The following AFG2A variants were observed in gnomAD, a reference collection of about 807,000 sequenced individuals.
AFG2A encodes the protein ATPase family gene 2 protein homolog A.
chr4:123,228,203 C>T, the AFG2A span, among the ~76,000 whole-genome samples: 1 of 152,072 alleles, frequency 6.6e-6, no homozygotes, highest in Non-Finnish European at 1.5e-5. Flanking sequence ...TTAATTGGAG[C>T]ATTTAGCCCA....
the AFG2A span, among the ~76,000 whole-genome samples, chr4:123,187,537 A>C: frequency 6.6e-6 from 1 of 152,166 alleles, no homozygotes; most frequent in Non-Finnish European, 1.5e-5. Context: ...GTTATTAAGA[A>C]TATTGGTATT....
chr4:123,048,918 A>G, the AFG2A span, among the ~76,000 whole-genome samples: 1 of 152,064 alleles, frequency 6.6e-6, no homozygotes, highest in Admixed American at 6.6e-5. Context: ...AAGTGGTGAA[A>G]GTGGACATCT....
At chr4:123,267,048 T>C in the AFG2A span, among the ~76,000 whole-genome samples, 8 of 152,028 alleles carry the variant, frequency 5.3e-5, no homozygotes, top group South Asian at 2.1e-4. Context: ...AAAGACACAA[T>C]TGACATGTTC....
chr4:123,304,398 C>T, the AFG2A span, among the ~76,000 whole-genome samples: 1 of 152,182 alleles, frequency 6.6e-6, no homozygotes, highest in Non-Finnish European at 1.5e-5. Flanking sequence ...GGACATCACT[C>T]TCTACTGGGT....
At chr4:122,946,102 AT>A in the AFG2A span, among the ~76,000 whole-genome samples, 1 of 152,242 alleles carries the variant, frequency 6.6e-6, no homozygotes, top group Non-Finnish European at 1.5e-5. Flanking sequence ...TTACAAGAGA[AT>A]CATGTATAAA....
chr4:122,968,812 T>C, the AFG2A span, among the ~76,000 whole-genome samples: 1 of 152,182 alleles, frequency 6.6e-6, no homozygotes, highest in Non-Finnish European at 1.5e-5. Context: ...TTTCTTCTCG[T>C]GGGTGCTGAC....
the AFG2A span, among the ~76,000 whole-genome samples, chr4:123,157,724 A>G: frequency 6.6e-6 from 1 of 152,220 alleles, no homozygotes; most frequent in African/African-American, 2.4e-5. Context: ...ATTCACTCCA[A>G]CTTTCAATAT....
At chr4:123,297,235 A>G in the AFG2A span, among the ~76,000 whole-genome samples, 1 of 152,226 alleles carries the variant, frequency 6.6e-6, no homozygotes, top group African/African-American at 2.4e-5. Flanking sequence ...ACCATAATCC[A>G]TACTGGAATC....
the AFG2A span, among the ~76,000 whole-genome samples, chr4:123,005,648 C>T: frequency 6.6e-6 from 1 of 152,324 alleles, no homozygotes; most frequent in African/African-American, 2.4e-5. Flanking sequence ...TCATTAAGCA[C>T]TGCTTTAGCG....
At chr4:123,101,267 C>A in the AFG2A span, among the ~76,000 whole-genome samples, 1 of 151,772 alleles carries the variant, frequency 6.6e-6, no homozygotes, top group African/African-American at 2.4e-5. Flanking sequence ...TAAAGAGAAA[C>A]TAGATGGTTG....
At chr4:123,001,174 G>A in the AFG2A span, among the ~76,000 whole-genome samples, 281 of 147,268 alleles carry the variant, frequency 1.9e-3, 1 homozygote, top group Non-Finnish European at 3.2e-3. Flanking sequence ...TTTTTATTGC[G>A]TTTATTTGAT....
At chr4:123,203,823 G>C in the AFG2A span, among the ~76,000 whole-genome samples, 2 of 152,144 alleles carry the variant, frequency 1.3e-5, no homozygotes, top group African/African-American at 4.8e-5. Context: ...ATTACCACAG[G>C]CTGGAAGCTT....
At chr4:123,217,832 G>A in the AFG2A span, among the ~76,000 whole-genome samples, 1 of 152,096 alleles carries the variant, frequency 6.6e-6, no homozygotes, top group Non-Finnish European at 1.5e-5. Context: ...TTTCCATTTA[G>A]TAGACACTAG....
At chr4:123,214,740 T>C in the AFG2A span, among the ~76,000 whole-genome samples, 5 of 152,064 alleles carry the variant, frequency 3.3e-5, no homozygotes, top group Non-Finnish European at 7.4e-5. Flanking sequence ...ACGATAAGGA[T>C]GAAGACATGA....
At chr4:122,943,681 A>T in the AFG2A span, among the ~76,000 whole-genome samples, 1 of 152,088 alleles carries the variant, frequency 6.6e-6, no homozygotes, top group Non-Finnish European at 1.5e-5. Context: ...TGTCATTATG[A>T]TGTTAGCTGG....
chr4:123,268,037 A>G, the AFG2A span, among the ~76,000 whole-genome samples: 151 of 152,180 alleles, frequency 9.9e-4, 2 homozygotes, highest in East Asian at 0.015. Context: ...TAGACAATCA[A>G]TATATAATTT....
At chr4:122,936,905 A>G in the AFG2A span, among the ~76,000 whole-genome samples, 3 of 152,186 alleles carry the variant, frequency 2.0e-5, no homozygotes, top group Admixed American at 1.3e-4. Flanking sequence ...TCTTGAACCC[A>G]GGAGGTGGAG....
chr4:123,099,980 C>T, the AFG2A span, among the ~76,000 whole-genome samples: 88 of 151,850 alleles, frequency 5.8e-4, 1 homozygote, highest in East Asian at 1.3e-3. Flanking sequence ...ATGTTGTCAA[C>T]GTGAATTGAA....
the AFG2A span, among the ~76,000 whole-genome samples, chr4:122,943,359 G>A: frequency 2.6e-5 from 4 of 152,094 alleles, no homozygotes; most frequent in Non-Finnish European, 4.4e-5. Context: ...TTAGCTCTTC[G>A]TGTTGAATTG....
Sources: gnomAD v4.1 joint callset for allele counts (sites outside exome capture counted in the v4.1 genomes callset) on GRCh38, gnomAD v4.1.1 for gene constraint, MANE v1.5 for transcripts, NCBI Gene and HGNC (gene_info 2026-07-23, HGNC 2026-07-21) for gene names.